Variants in ARMC1 observed in about 807,000 individuals in gnomAD.
ARMC1 encodes armadillo repeat-containing protein 1.
Under a neutral mutation model 31.4 loss-of-function variants are expected in ARMC1, and 16 were observed. The ratio of observed to expected loss-of-function variants is 0.51; its 90% CI spans 0.34 to 0.77. The LOEUF (loss-of-function observed/expected upper bound fraction) is 0.77. Ranked by LOEUF, ARMC1 falls within the 30% of genes least tolerant of loss-of-function variation. The probability of loss-of-function intolerance (pLI) is 0.01; values close to 1 mark genes in which losing one functional copy is unlikely to be tolerated. For missense variants in ARMC1, 259 were observed against 347.5 expected, an observed-to-expected ratio of 0.75 and a Z score of 2.02; for synonymous variants, 114 against 118.9, an observed-to-expected ratio of 0.96 and a Z score of 0.27.
intron 4 of ARMC1, among the ~76,000 whole-genome samples, chr8:65,609,777 G>T (rs563129128): frequency 1.4e-5 from 2 of 145,728 alleles, no homozygotes; most frequent in South Asian, 4.4e-4. Context: ...AGAATCATTT[G>T]AACCTGGGAG....
chr8:65,631,883 T>TA (rs61273646), intron 1 of ARMC1, among the ~76,000 whole-genome samples: 139 of 140,054 alleles, frequency 9.9e-4, no homozygotes, highest in East Asian at 3.6e-3. Flanking sequence ...CCCTGTCTCT[T>TA]AAAAAAAAAA....
At chr8:65,627,922 G>A (rs1192671557) in intron 1 of ARMC1, among the ~76,000 whole-genome samples, 1 of 152,204 alleles carries the variant, frequency 6.6e-6, no homozygotes, top group Non-Finnish European at 1.5e-5. Flanking sequence ...GGAGGCAGAA[G>A]TCTGTAAATC....
In ARMC1 at chr8:65,604,444, T is replaced by A; in HGVS notation, c.799A>T (p.Ser267Cys). The change falls in exon 7 of 7, where the codon AGC becomes TGC. Residue 267 changes from serine to cysteine, a missense_variant. Ser to Cys is a moderately radical substitution (Grantham distance 112). This residue lies in a region of ARMC1 where 73 missense variants were observed against 100.0 expected (regional missense o/e 0.73). Transcript: ENST00000276569. ...AAGTTTGCAGCTGTGCTAAGCCAGC[T>A]AGCTCCACCTTCTGGGTGTGAGCCG... ...RVGSHPEGGA[S>C]WLSTAANFLS... 1.2e-6 allele frequency: 2 copies of A among 1,614,194 alleles called. No individual in the cohort carries two copies. Among genetic ancestry groups the A allele is most frequent in the South Asian group, 2.2e-5 (2 of 91,080 alleles).
intron 3 of ARMC1, among the ~76,000 whole-genome samples, chr8:65,620,262 T>G (rs1236329294): frequency 6.7e-6 from 1 of 150,290 alleles, no homozygotes; most frequent in Non-Finnish European, 1.5e-5. Context: ...AGGAGCTGAG[T>G]TTTTAATTTT....
At chr8:65,619,807 A>G (rs1808353433) in intron 3 of ARMC1, among the ~76,000 whole-genome samples, 1 of 151,680 alleles carries the variant, frequency 6.6e-6, no homozygotes, top group Non-Finnish European at 1.5e-5. Context: ...AACATGGTCA[A>G]ATCCTGTCTC....
chr8:65,604,277 C>T lies in ARMC1; in HGVS notation c.*117G>A, dbSNP rs554927843. The T allele has an allele frequency of 7.9e-5, 72 of 910,374 alleles. No individual in the cohort carries two copies. The highest frequency in any genetic ancestry group is 2.0e-4 in the African/African-American group (12 of 60,410). 56.4% of individuals were successfully genotyped at this position (910,374 alleles called of 1,614,324 possible). On this transcript the variant is annotated 3_prime_UTR_variant, in exon 7 of 7. Coordinates refer to ENST00000276569, the MANE Select transcript of ARMC1 (RefSeq NM_018120.6). ...AAACGTGAAATGCAGCATATGCGATCGTGTAATCTAAAAACTTTTCATGAT... is the reference window on the plus strand; with the variant it reads ...AAACGTGAAATGCAGCATATGCGATTGTGTAATCTAAAAACTTTTCATGAT...
At chr8:65,625,835 C>T (rs1008649916) in intron 2 of ARMC1, among the ~76,000 whole-genome samples, 4 of 151,642 alleles carry the variant, frequency 2.6e-5, no homozygotes. Flanking sequence ...ATCACGAGTC[C>T]TTAAGTAAAG....
chr8:65,631,916 T>C (rs920896270), intron 1 of ARMC1, among the ~76,000 whole-genome samples: 1 of 114,142 alleles, frequency 8.8e-6, no homozygotes, highest in African/African-American at 3.5e-5. Flanking sequence ...TCTTCATAGG[T>C]TGGAAAAAAT....
Position 65,614,631 on chromosome 8 carries a change from C to T in ARMC1, c.276-1198G>A, listed in dbSNP as rs369745103. Among the ~76,000 whole-genome samples, 16 of 152,290 alleles carry T rather than the reference C, an allele frequency of 1.1e-4. No homozygotes were observed. The South Asian group carries it at 3.3e-3, about 32-fold the overall frequency. On this transcript the variant is annotated intron_variant, in intron 3 of 6. Coordinates refer to ENST00000276569, the MANE Select transcript of ARMC1 (RefSeq NM_018120.6). ...CACTCAAGGCCTTAAAATCTGGCCC[C>T]ATTTGGCTATCTCCATCAGCTCATT...
At chr8:65,614,247 C>T (rs1353675113) in intron 3 of ARMC1, among the ~76,000 whole-genome samples, 3 of 152,108 alleles carry the variant, frequency 2.0e-5, no homozygotes, top group African/African-American at 7.2e-5. Flanking sequence ...AAAACCACAG[C>T]TCTAACAAAA....
chr8:65,604,528 C>T lies in ARMC1; in HGVS notation c.715G>A (p.Asp239Asn). The change falls in exon 7 of 7, where the codon GAC (aspartate) becomes AAC (asparagine). Residue 239 changes from aspartate to asparagine, a missense_variant. Around this residue, in one of 3 missense-constraint regions of ARMC1, gnomAD observed 73 missense variants for 100.0 expected, o/e 0.73. Transcript: ENST00000276569. ...GGACTCTCATCCTCAGGCAGGTAGT[C>T]AGGTAGCTCTGTGTTCTGTTCAACT... ...VEVEQNTELP[D>N]YLPEDESPTK... 1 of 1,614,082 alleles carries T rather than the reference C, an allele frequency of 6.2e-7. No individual in the cohort carries two copies. The highest frequency in any genetic ancestry group is 8.5e-7 in the Non-Finnish European group (1 of 1,180,036).
intron 3 of ARMC1, among the ~76,000 whole-genome samples, chr8:65,616,499 G>T (rs970567503): frequency 2.0e-5 from 3 of 152,180 alleles, no homozygotes; most frequent in African/African-American, 7.2e-5. Flanking sequence ...CCACCTCCCA[G>T]CCGCCTGCCT....
In ARMC1 at chr8:65,604,551, A is replaced by G. The variant is rs546386774; in HGVS notation, c.692T>C (p.Val231Ala). Residue 231 changes from valine (V) to alanine (A), a missense_variant, in exon 7 of 7, where the codon GTT (valine) becomes GCT (alanine). Physicochemically the swap from Val to Ala is moderately conservative, Grantham distance 64 (BLOSUM62 0). Transcript: ENST00000276569. ...GTCAGGTAGCTCTGTGTTCTGTTCAACTTCCACAGGAGTATCTTGGAATGG... is the reference window on the plus strand; with the variant it reads ...GTCAGGTAGCTCTGTGTTCTGTTCAGCTTCCACAGGAGTATCTTGGAATGG... ...LVPFQDTPVE[V>A]EQNTELPDYL... 2.5e-6 allele frequency: 4 copies of G among 1,613,942 alleles called. No individual in the cohort carries two copies. In the South Asian group the frequency reaches 4.4e-5, roughly 18 times the overall value.
At chr8:65,623,403 G>A (rs899057341) in intron 2 of ARMC1, among the ~76,000 whole-genome samples, 5 of 150,498 alleles carry the variant, frequency 3.3e-5, no homozygotes, top group Non-Finnish European at 7.4e-5. Flanking sequence ...AAGGTCAGGA[G>A]TTCGAGACCA....
At position 65,627,225 on chromosome 8, in the gene ARMC1, G is replaced by A. The variant is rs148682176; in HGVS notation, c.174C>T (p.Ser58=). 2.7e-5 allele frequency: 43 copies of A among 1,568,400 alleles called. No homozygotes were observed. Among genetic ancestry groups the A allele is most frequent in the South Asian group, 5.8e-5 (5 of 85,482 alleles). The part of the protein sequence containing the change: ...MDHPNPPVVH[S]ALLALRYLAE... ...ACTAAAGGCAACTTACAAGCAAAGC[G>A]GAGTGGACGACTGGAGGGTTGGGAT... Residue 58 remains serine (S), a synonymous_variant, in exon 2 of 7, where the codon TCC becomes TCT. Coordinates refer to ENST00000276569, the MANE Select transcript of ARMC1 (RefSeq NM_018120.6).
intron 4 of ARMC1, among the ~76,000 whole-genome samples, chr8:65,612,297 A>C (rs534050349): frequency 1.0e-3 from 154 of 152,104 alleles, no homozygotes; most frequent in Non-Finnish European, 1.5e-3. Flanking sequence ...TCTCTGCAAA[A>C]ACTTAAAAAT....
At chr8:65,617,467 T>C (rs55707653) in intron 3 of ARMC1, among the ~76,000 whole-genome samples, 20,262 of 152,022 alleles carry the variant, frequency 0.13, 2,231 homozygotes, top group East Asian at 0.52. Flanking sequence ...CAAGTACCCA[T>C]GGACACAAAC....
chr8:65,623,900 C>T (rs147230370), intron 2 of ARMC1, among the ~76,000 whole-genome samples: 17,767 of 139,948 alleles, frequency 0.13, 1,219 homozygotes, highest in Middle Eastern at 0.2. Flanking sequence ...CGAGTTCAAG[C>T]GATTCTCTTG....
chr8:65,617,834 T>C (rs7006261), intron 3 of ARMC1, among the ~76,000 whole-genome samples: 95,273 of 149,892 alleles, frequency 0.64, 30,498 homozygotes, highest in African/African-American at 0.69. Context: ...AAAATAAAAG[T>C]TGAAATTATT....
Sources: gnomAD v4.1 joint callset for allele counts (sites outside exome capture counted in the v4.1 genomes callset) on GRCh38, gnomAD v4.1.1 for gene constraint, gnomAD v4.1.1 regional missense constraint, MANE v1.5 for transcripts, NCBI Gene and HGNC (gene_info 2026-07-23, HGNC 2026-07-21) for gene names.